The following SUCLG2 variants were observed in gnomAD, a reference collection of about 807,000 sequenced individuals.
SUCLG2 encodes succinate-CoA ligase GDP-forming subunit beta.
A neutral mutation model predicts 47.9 loss-of-function variants in SUCLG2; 42 were observed. The ratio of observed to expected loss-of-function variants is 0.88; its 90% CI spans 0.69 to 1.14. SUCLG2 has a LOEUF of 1.14. Among genes scored for constraint, SUCLG2 ranks in the 50% most tolerant of loss-of-function variants. SUCLG2 has a pLI of 0.00. For missense variants in SUCLG2, 571 were observed against 525.9 expected (o/e 1.09, Z -0.84); for synonymous variants, 195 against 197.3 (o/e 0.99, Z 0.10).
chr3:67,527,066 A>G (rs144606486), intron 4 of SUCLG2, among the ~76,000 whole-genome samples: 182 of 152,352 alleles, frequency 1.2e-3, no homozygotes, highest in African/African-American at 4.4e-3. Context: ...TGTACCTTAT[A>G]AATATATACA....
chr3:67,524,989 A>G (rs915407943), intron 4 of SUCLG2, among the ~76,000 whole-genome samples: 7 of 152,318 alleles, frequency 4.6e-5, no homozygotes, highest in African/African-American at 1.2e-4. Flanking sequence ...CCAATTAACA[A>G]TGAGCATGTT....
intron 1 of SUCLG2, among the ~76,000 whole-genome samples, chr3:67,622,787 T>C (rs1253006907): frequency 6.6e-6 from 1 of 152,204 alleles, no homozygotes; most frequent in Non-Finnish European, 1.5e-5. Flanking sequence ...CAAAAGTCCA[T>C]GTGACACATG....
chr3:67,634,731 C>A (rs2107357837), intron 1 of SUCLG2, among the ~76,000 whole-genome samples: 1 of 152,252 alleles, frequency 6.6e-6, no homozygotes, highest in South Asian at 2.1e-4. Context: ...CAAGTTCATG[C>A]CAGTAAACTT....
intron 1 of SUCLG2, among the ~76,000 whole-genome samples, chr3:67,611,812 A>T (rs1296785042): frequency 6.6e-6 from 1 of 152,230 alleles, no homozygotes; most frequent in Non-Finnish European, 1.5e-5. Context: ...TCCAGAGGCC[A>T]GCTTCACAGA....
intron 1 of SUCLG2, among the ~76,000 whole-genome samples, chr3:67,653,111 A>G (rs1228241998): frequency 2.6e-5 from 4 of 152,174 alleles, no homozygotes; most frequent in Non-Finnish European, 5.9e-5. Context: ...TATTTCAGCT[A>G]AACACTCTGC....
downstream of SUCLG2, among the ~76,000 whole-genome samples, chr3:67,372,544 C>T (rs886471060): frequency 3.9e-5 from 6 of 152,248 alleles, no homozygotes; most frequent in African/African-American, 1.4e-4. Flanking sequence ...TATTCCAATG[C>T]ACCTGTGAGC....
chr3:67,542,338 T>C (rs1252337467), intron 2 of SUCLG2, among the ~76,000 whole-genome samples: 1 of 151,980 alleles, frequency 6.6e-6, no homozygotes, highest in African/African-American at 2.4e-5. Flanking sequence ...AAGCACTAAA[T>C]ATGGAAAGCA....
At chr3:67,418,221 T>C (rs965399685) in intron 9 of SUCLG2, among the ~76,000 whole-genome samples, 2 of 152,210 alleles carry the variant, frequency 1.3e-5, no homozygotes, top group African/African-American at 4.8e-5. Context: ...AATGAGATAA[T>C]TAAAATAAGG....
At chr3:67,478,702 A>C (rs1704831599) in intron 9 of SUCLG2, among the ~76,000 whole-genome samples, 1 of 152,196 alleles carries the variant, frequency 6.6e-6, no homozygotes. Flanking sequence ...AGTGGGAAAG[A>C]ACCAAAATTA....
chr3:67,421,112 C>CCTA (rs1430597831), intron 9 of SUCLG2, among the ~76,000 whole-genome samples: 1 of 152,134 alleles, frequency 6.6e-6, no homozygotes, highest in Non-Finnish European at 1.5e-5. Flanking sequence ...TGCCCATAGT[C>CCTA]CTACAGCTGC....
chr3:67,535,473 CT>C (rs1254317746), intron 2 of SUCLG2, among the ~76,000 whole-genome samples: 1 of 152,100 alleles, frequency 6.6e-6, no homozygotes, highest in Non-Finnish European at 1.5e-5. Context: ...CCCACAAAAT[CT>C]CTCGTTGAAA....
intron 2 of SUCLG2, among the ~76,000 whole-genome samples, chr3:67,581,053 C>A (rs1026255649): frequency 1.1e-4 from 17 of 152,274 alleles, no homozygotes; most frequent in African/African-American, 3.6e-4. Flanking sequence ...GTAAATGGTG[C>A]TAACTTCTTC....
rs865802944 is a variant in SUCLG2, at chr3:67,629,587, G to A, written c.85-19991C>T. The stretch of plus-strand genomic sequence containing the variant: ...AGTTTAATCAAGGTTTCATTACTTA[G>A]CCATGATTAAGAAATTGGCCATTCG... On this transcript the variant is annotated intron_variant, in intron 1 of 10. Transcript: ENST00000307227. Among the ~76,000 whole-genome samples the A allele has an allele frequency of 1.4e-4, 21 of 152,244 alleles. No homozygotes were observed. The Middle Eastern group carries it at 0.01, about 74-fold the overall frequency.
In SUCLG2 at chr3:67,537,853, C is replaced by T. The variant is rs569818218; in HGVS notation, c.227-8667G>A. ...TAAGCTTTTTTTCATGTTTGTTGGC[C>T]ACATAAACATCTTCTTTTGAGAAGT... On this transcript the variant is annotated intron_variant, in intron 2 of 10. Transcript: ENST00000307227. Among the ~76,000 whole-genome samples the T allele has an allele frequency of 5.9e-5, 9 of 152,210 alleles. No homozygotes were observed. The South Asian group carries it at 1.9e-3, about 32-fold the overall frequency.
intron 10 of SUCLG2, among the ~76,000 whole-genome samples, chr3:67,364,832 C>T (rs531418107): frequency 2.6e-5 from 4 of 152,202 alleles, no homozygotes; most frequent in South Asian, 4.1e-4. Context: ...GATGCCAACA[C>T]GGAGATGACA....
chr3:67,530,462 T>C (rs975430400), intron 2 of SUCLG2, among the ~76,000 whole-genome samples: 3 of 152,198 alleles, frequency 2.0e-5, no homozygotes, highest in African/African-American at 7.2e-5. Flanking sequence ...TCCATTAAGT[T>C]TGGTTATTTC....
chr3:67,608,057 A>G (rs1162210375), intron 2 of SUCLG2, among the ~76,000 whole-genome samples: 1 of 152,200 alleles, frequency 6.6e-6, no homozygotes. Context: ...GCTTTGACCT[A>G]AAGAAACTGA....
chr3:67,528,984 C>T, intron 3 of SUCLG2, 103 bp downstream of exon 3: 2 of 950,782 alleles, frequency 2.1e-6, no homozygotes, highest in South Asian at 3.3e-5. Flanking sequence ...CTTTGGCCCG[C>T]TCCTACCCCA....
chr3:67,613,278 G>A (rs1700564610), intron 1 of SUCLG2, among the ~76,000 whole-genome samples: 1 of 152,024 alleles, frequency 6.6e-6, no homozygotes, highest in Non-Finnish European at 1.5e-5. Context: ...GCTACCTAGT[G>A]GACTCCAACC....
Sources: gnomAD v4.1 joint callset for allele counts (sites outside exome capture counted in the v4.1 genomes callset) on GRCh38, gnomAD v4.1.1 for gene constraint, MANE v1.5 for transcripts, NCBI Gene and HGNC (gene_info 2026-07-23, HGNC 2026-07-21) for gene names.